The following HPSE2 variants were observed in gnomAD, a reference collection of about 807,000 sequenced individuals.
HPSE2 encodes heparanase 2 (inactive).
HPSE2 carries 38 observed loss-of-function variants against 60.5 expected under a neutral mutation model. That is an observed-to-expected ratio of 0.63 (90% CI 0.48 to 0.82). The LOEUF (loss-of-function observed/expected upper bound fraction) is 0.82, where lower values mean the gene tolerates loss of function less well. Among genes scored for constraint, HPSE2 ranks in the 40% least tolerant of loss-of-function variants. The probability of loss-of-function intolerance (pLI) is 0.00; values close to 1 mark genes in which losing one functional copy is unlikely to be tolerated. For synonymous variants in HPSE2, 295 were observed against 293.2 expected, an observed-to-expected ratio of 1.01 and a Z score of -0.06; for missense variants, 713 against 740.4, an observed-to-expected ratio of 0.96 and a Z score of 0.43.
chr10:99,066,175 G>C (rs1842611543), intron 3 of HPSE2, among the ~76,000 whole-genome samples: 1 of 152,158 alleles, frequency 6.6e-6, no homozygotes, highest in Non-Finnish European at 1.5e-5. Context: ...CAAATATCTG[G>C]ATAGTCTCTG....
the HPSE2 span, among the ~76,000 whole-genome samples, chr10:99,309,780 C>A: frequency 8.5e-5 from 13 of 152,324 alleles, no homozygotes; most frequent in Non-Finnish European, 1.5e-4. Context: ...TGATACACTG[C>A]TACTGGGGCT....
chr10:98,518,751 G>T (rs1423521572), intron 9 of HPSE2, among the ~76,000 whole-genome samples: 1 of 151,762 alleles, frequency 6.6e-6, no homozygotes, highest in Admixed American at 6.6e-5. Context: ...TATCTCATCA[G>T]GTTGTTGTGA....
At chr10:98,742,477 C>T (rs1949522296) in intron 4 of HPSE2, among the ~76,000 whole-genome samples, 2 of 152,018 alleles carry the variant, frequency 1.3e-5, no homozygotes, top group Admixed American at 6.5e-5. Flanking sequence ...ATGTTGGAAT[C>T]AATTTGCATC....
intron 9 of HPSE2, among the ~76,000 whole-genome samples, chr10:98,512,141 C>T (rs1261580622): frequency 6.6e-6 from 1 of 152,198 alleles, no homozygotes; most frequent in Non-Finnish European, 1.5e-5. Context: ...CAACTTCCTC[C>T]ACAGAGAGGG....
chr10:99,081,090 G>A (rs1175115210), intron 3 of HPSE2, among the ~76,000 whole-genome samples: 2 of 152,114 alleles, frequency 1.3e-5, no homozygotes, highest in Non-Finnish European at 2.9e-5. Context: ...CACCACACCC[G>A]GCCTCAGGCC....
At chr10:98,740,190 T>G (rs1248868254) in intron 4 of HPSE2, among the ~76,000 whole-genome samples, 6 of 151,716 alleles carry the variant, frequency 4.0e-5, no homozygotes, top group African/African-American at 1.5e-4. Context: ...CTTTTTTTTT[T>G]TTTGAGACAG....
intron 6 of HPSE2, among the ~76,000 whole-genome samples, chr10:98,646,997 T>G (rs1375201475): frequency 6.6e-6 from 1 of 152,222 alleles, no homozygotes; most frequent in Non-Finnish European, 1.5e-5. Flanking sequence ...CTCCAGATCC[T>G]ATTCAACTAG....
At chr10:98,985,033 A>G (rs966369552) in intron 3 of HPSE2, among the ~76,000 whole-genome samples, 8 of 152,222 alleles carry the variant, frequency 5.3e-5, no homozygotes, top group African/African-American at 1.9e-4. Context: ...CCTGAAAGTG[A>G]CAGGGAGAAT....
chr10:98,946,472 C>CA (rs61591255), intron 3 of HPSE2, among the ~76,000 whole-genome samples: 3,089 of 92,948 alleles, frequency 0.033, 42 homozygotes, highest in Middle Eastern at 0.08. Context: ...GACCCTCACT[C>CA]AAAAAAAAAA....
chr10:99,285,280 A>T, the HPSE2 span, among the ~76,000 whole-genome samples: 1 of 150,544 alleles, frequency 6.6e-6, no homozygotes, highest in Admixed American at 6.6e-5. Context: ...AAAGGAAAAA[A>T]AAATTAGCTG....
At chr10:99,123,109 T>C (rs574291012) in intron 3 of HPSE2, among the ~76,000 whole-genome samples, 1 of 152,324 alleles carries the variant, frequency 6.6e-6, no homozygotes, top group Non-Finnish European at 1.5e-5. Flanking sequence ...ACACTACATG[T>C]AAACATAAAT....
chr10:98,774,954 AATAAAACAC>A (rs1950309808), intron 3 of HPSE2, among the ~76,000 whole-genome samples: 1 of 152,224 alleles, frequency 6.6e-6, no homozygotes, highest in African/African-American at 2.4e-5. Flanking sequence ...ACAAGTGTCA[AATAAAACAC>A]ACTTTAGTGT....
At chr10:98,735,317 A>T (rs932059295) in intron 4 of HPSE2, among the ~76,000 whole-genome samples, 9 of 146,368 alleles carry the variant, frequency 6.1e-5, no homozygotes, top group Admixed American at 4.1e-4. Flanking sequence ...AGGTGCATAG[A>T]AGTCAAGAAT....
chr10:98,594,098 C>G (rs1277046397), intron 9 of HPSE2, among the ~76,000 whole-genome samples: 1 of 152,006 alleles, frequency 6.6e-6, no homozygotes, highest in African/African-American at 2.4e-5. Context: ...TATTGTGAAA[C>G]AGCTAAATCA....
rs1358919529 is a variant in HPSE2 at position 99,070,033 on chromosome 10, G to A, written c.610+74205C>T. Among the ~76,000 whole-genome samples, 4 of 152,094 alleles carry A rather than the reference G, an allele frequency of 2.6e-5. No homozygotes were observed. The East Asian group carries it at 7.7e-4, about 29-fold the overall frequency. ...GTTGTCCAGAGCAATTTAGAGAGAG[G>A]TGTCTAAAAGCTTTTTAAAAAGGTT... On this transcript the variant is annotated intron_variant, in intron 3 of 11. Coordinates refer to ENST00000370552, the MANE Select transcript of HPSE2 (RefSeq NM_021828.5).
intron 3 of HPSE2, among the ~76,000 whole-genome samples, chr10:98,947,525 TAAG>T (rs1354174872): frequency 6.6e-6 from 1 of 152,024 alleles, no homozygotes; most frequent in African/African-American, 2.4e-5. Context: ...CAGGCACCAT[TAAG>T]AAAATTTTAA....
intron 9 of HPSE2, among the ~76,000 whole-genome samples, chr10:98,574,055 C>A (rs897636494): frequency 2.0e-5 from 3 of 152,112 alleles, no homozygotes; most frequent in Non-Finnish European, 4.4e-5. Context: ...CCCCTTACCC[C>A]ACCCCTCACG....
At chr10:99,043,866 C>G (rs1366588293) in intron 3 of HPSE2, among the ~76,000 whole-genome samples, 2 of 152,144 alleles carry the variant, frequency 1.3e-5, no homozygotes, top group South Asian at 2.1e-4. Context: ...ATATGAGATT[C>G]TGTAAAGAGA....
intron 4 of HPSE2, among the ~76,000 whole-genome samples, chr10:98,737,922 T>A (rs956982306): frequency 3.3e-5 from 5 of 152,214 alleles, no homozygotes; most frequent in African/African-American, 9.6e-5. Context: ...ATACATTCAA[T>A]GCTATGCTCA....
Sources: allele counts gnomAD v4.1 joint callset (sites outside exome capture counted in the v4.1 genomes callset), GRCh38; gene constraint gnomAD v4.1.1; transcripts MANE v1.5; gene names NCBI Gene and HGNC (gene_info 2026-07-23, HGNC 2026-07-21).